Variants in CTNNA2 observed in about 807,000 individuals in gnomAD.
CTNNA2 encodes catenin alpha 2.
Under a neutral mutation model 101.0 loss-of-function variants are expected in CTNNA2, and 42 were observed. The ratio of observed to expected loss-of-function variants is 0.42; its 90% CI spans 0.32 to 0.54. The LOEUF (loss-of-function observed/expected upper bound fraction) is 0.54. Among genes scored for constraint, CTNNA2 ranks in the 20% least tolerant of loss-of-function variants. The pLI, the probability that CTNNA2 is intolerant of heterozygous loss-of-function variation, is 0.14. For missense variants in CTNNA2, 871 were observed against 1,223.1 expected (o/e 0.71, Z 4.29); for synonymous variants, 450 against 456.4 (o/e 0.99, Z 0.18).
intron 2 of CTNNA2, among the ~76,000 whole-genome samples, chr2:79,252,851 A>G (rs935805857): frequency 6.6e-6 from 1 of 151,636 alleles, no homozygotes; most frequent in African/African-American, 2.4e-5. Context: ...TTTGGTTGAG[A>G]GCTGGCAGTG....
At chr2:80,480,087 T>C (rs1288665297) in intron 9 of CTNNA2, among the ~76,000 whole-genome samples, 1 of 152,156 alleles carries the variant, frequency 6.6e-6, no homozygotes, top group Non-Finnish European at 1.5e-5. Flanking sequence ...TCTAATTTAA[T>C]TGATCATATG....
At chr2:79,520,021 T>G (rs1318579815) in intron 1 of CTNNA2, among the ~76,000 whole-genome samples, 1 of 152,248 alleles carries the variant, frequency 6.6e-6, no homozygotes, top group Non-Finnish European at 1.5e-5. Context: ...AGCAAAGCCT[T>G]GCTTATCCCC....
chr2:79,866,745 G>T (rs141783118), intron 4 of CTNNA2, among the ~76,000 whole-genome samples: 77 of 152,228 alleles, frequency 5.1e-4, no homozygotes, highest in Admixed American at 1.7e-3. Flanking sequence ...TCTATTTAAT[G>T]AGCCCCTAAT....
intron 4 of CTNNA2, among the ~76,000 whole-genome samples, chr2:79,464,144 C>A (rs982413504): frequency 6.6e-6 from 1 of 152,228 alleles, no homozygotes; most frequent in South Asian, 2.1e-4. Context: ...CCCATCACCC[C>A]ACGACAGGCC....
At position 80,303,877 on chromosome 2, in the gene CTNNA2, A is replaced by G; in HGVS notation, c.1057-89334A>G. On this transcript the variant is annotated intron_variant, in intron 7 of 18. Transcript: ENST00000402739. This position sits in a 1 kb window ranked among gnomAD's most constrained non-coding sequence, Gnocchi z 7.7. ...GTCCATTGGAAGCGCTCGGTCAGAA[A>G]TCTACATCATATTTTATTCCGAGGG... The G allele has an allele frequency of 6.8e-7, 1 of 1,470,056 alleles. No homozygotes were observed. The highest frequency in any genetic ancestry group is 1.4e-5 in the African/African-American group (1 of 71,024). 91.1% of individuals were successfully genotyped at this position (1,470,056 alleles called of 1,614,324 possible).
intron 3 of CTNNA2, among the ~76,000 whole-genome samples, chr2:79,747,101 C>T (rs1228440953): frequency 6.6e-6 from 1 of 152,184 alleles, no homozygotes; most frequent in Non-Finnish European, 1.5e-5. Context: ...TGTTCTTCCT[C>T]ATCCTCTCCT....
At chr2:79,883,879 G>T (rs1683641703) in intron 6 of CTNNA2, among the ~76,000 whole-genome samples, 1 of 152,046 alleles carries the variant, frequency 6.6e-6, no homozygotes, top group African/African-American at 2.4e-5. Flanking sequence ...CATTAGAAAG[G>T]TATTACACCA....
At chr2:79,979,304 G>T (rs1004875596) in intron 7 of CTNNA2, among the ~76,000 whole-genome samples, 4 of 152,224 alleles carry the variant, frequency 2.6e-5, no homozygotes, top group Admixed American at 2.0e-4. Flanking sequence ...GGTTGCTTGA[G>T]CCCAGGAGTT....
At chr2:79,463,192 A>G (rs1670897714) in intron 4 of CTNNA2, among the ~76,000 whole-genome samples, 1 of 152,090 alleles carries the variant, frequency 6.6e-6, no homozygotes, top group African/African-American at 2.4e-5. Flanking sequence ...CAGGAGGATC[A>G]CCTGAGGTCA....
intron 7 of CTNNA2, among the ~76,000 whole-genome samples, chr2:79,959,510 G>A (rs1689485825): frequency 2.0e-5 from 3 of 151,988 alleles, no homozygotes; most frequent in South Asian, 4.1e-4. Flanking sequence ...TTTGTCTTAC[G>A]CCACTCTTAA....
At chr2:80,583,120 T>G (rs1015140253) in intron 14 of CTNNA2, among the ~76,000 whole-genome samples, 23 of 152,212 alleles carry the variant, frequency 1.5e-4, no homozygotes, top group African/African-American at 4.1e-4. Flanking sequence ...ACATGTTGCT[T>G]GATTTTTCAG....
chr2:80,286,177 G>A (rs2149168771), intron 7 of CTNNA2, among the ~76,000 whole-genome samples: 1 of 152,234 alleles, frequency 6.6e-6, no homozygotes, highest in East Asian at 1.9e-4. Flanking sequence ...TTTGGTTATT[G>A]AAGTCTCTTC....
intron 7 of CTNNA2, among the ~76,000 whole-genome samples, chr2:80,314,639 G>A (rs986895256): frequency 6.6e-6 from 1 of 152,200 alleles, no homozygotes; most frequent in African/African-American, 2.4e-5. Flanking sequence ...GAGGATGCCT[G>A]ACCATGAGTG....
At chr2:79,920,033 A>C (rs2104375309) in intron 7 of CTNNA2, among the ~76,000 whole-genome samples, 1 of 147,316 alleles carries the variant, frequency 6.8e-6, no homozygotes, top group Middle Eastern at 3.6e-3. Context: ...CCTGACTAAC[A>C]TGGTGAAACC....
Position 80,204,698 on chromosome 2 carries a change from C to T in CTNNA2, c.1057-188513C>T, listed in dbSNP as rs547754976. 1.3e-5 allele frequency among the ~76,000 whole-genome samples: 2 copies of T among 152,244 alleles called. 1 individual carries two copies. The highest frequency in any genetic ancestry group is 4.2e-4 in the South Asian group (2 of 4,816). ...AACTGTTCCAACTTCTGCCTATTACCCAGTTCCAAAGTAGCTTCCATGTTT... is the reference window on the plus strand; with the variant it reads ...AACTGTTCCAACTTCTGCCTATTACTCAGTTCCAAAGTAGCTTCCATGTTT... On this transcript the variant is annotated intron_variant, in intron 7 of 18. Coordinates refer to ENST00000402739, the MANE Select transcript of CTNNA2 (RefSeq NM_001282597.3).
intron 7 of CTNNA2, among the ~76,000 whole-genome samples, chr2:80,130,756 T>A (rs150420759): frequency 6.6e-6 from 1 of 152,086 alleles, no homozygotes; most frequent in East Asian, 1.9e-4. Flanking sequence ...TGTACTCTTT[T>A]TTTTTTAATT....
At chr2:79,848,362 A>G (rs1359553095) in intron 3 of CTNNA2, among the ~76,000 whole-genome samples, 2 of 152,160 alleles carry the variant, frequency 1.3e-5, no homozygotes, top group African/African-American at 2.4e-5. Flanking sequence ...TCACTGTTTA[A>G]CGTTTCCTAA....
rs539284407 is a variant in CTNNA2, at chr2:79,568,637, A to G, written c.-6+55430A>G. On this transcript the variant is annotated intron_variant, in intron 1 of 18. Coordinates refer to ENST00000402739, the MANE Select transcript of CTNNA2 (RefSeq NM_001282597.3). The stretch of plus-strand genomic sequence containing the variant: ...ACGAAAAGAAAAGGAAAGAAAAGAA[A>G]AGAACCTTCAGGTTTATAATTAAAG... Among the ~76,000 whole-genome samples, 106 of 152,102 alleles carry G rather than the reference A, an allele frequency of 7.0e-4. 1 individual carries two copies. Among genetic ancestry groups the G allele is most frequent in the African/African-American group, 2.5e-3 (103 of 41,526 alleles).
intron 7 of CTNNA2, among the ~76,000 whole-genome samples, chr2:79,983,479 G>A (rs1021475180): frequency 2.0e-5 from 3 of 152,206 alleles, no homozygotes; most frequent in East Asian, 1.9e-4. Flanking sequence ...CTCATGGTGC[G>A]TGCTTCTCTA....
Sources: gnomAD v4.1 joint callset for allele counts (sites outside exome capture counted in the v4.1 genomes callset) on GRCh38, gnomAD v4.1.1 for gene constraint, Gnocchi (gnomAD v3.1) non-coding constraint, MANE v1.5 for transcripts, NCBI Gene and HGNC (gene_info 2026-07-23, HGNC 2026-07-21) for gene names.